SIRT2: variants seen among roughly 807,000 people sequenced by gnomAD.
The protein encoded by SIRT2 is NAD-dependent protein deacetylase sirtuin-2.
SIRT2 carries 40 observed loss-of-function variants against 57.4 expected under a neutral mutation model. The observed-to-expected ratio is 0.70, with a 90% CI of 0.54 to 0.91. SIRT2 has a LOEUF of 0.91. Ranked by LOEUF, SIRT2 falls within the 40% of genes least tolerant of loss-of-function variation. SIRT2 has a pLI of 0.00. For missense variants in SIRT2, 439 were observed against 510.4 expected (o/e 0.86, Z 1.35); for synonymous variants, 161 against 195.7 (o/e 0.82, Z 1.48).
intron 9 of SIRT2, 54 bp from the exon 10 acceptor site, chr19:38,881,545 G>A: frequency 6.8e-7 from 1 of 1,480,096 alleles, no homozygotes; most frequent in Non-Finnish European, 9.4e-7. Context: ...CTGGGCCGGA[G>A]TCTGGAGGTG....
In SIRT2 at chr19:38,882,559, C is replaced by T. The variant is rs902583876; in HGVS notation, c.631+1068G>A. ...CCGAGGCAGGGAGAATTGCTTGAAC[C>T]CGGGAGGCGGAGGTTGCAGTGAGCC... On this transcript the variant is annotated intron_variant, in intron 9 of 15. Transcript: ENST00000249396. Among the ~76,000 whole-genome samples, 3 of 151,822 alleles carry T rather than the reference C, an allele frequency of 2.0e-5. No homozygotes were observed. The East Asian group carries it at 5.8e-4, about 30-fold the overall frequency.
intron 2 of SIRT2, chr19:38,894,843 C>A: frequency 2.2e-6 from 1 of 456,194 alleles, no homozygotes; most frequent in South Asian, 1.5e-5. Context: ...CCTGTCTCAT[C>A]CATGCCAATG....
chr19:38,898,265 G>C, intron 2 of SIRT2, 114 bp downstream of exon 2: 1 of 640,652 alleles, frequency 1.6e-6, no homozygotes, highest in Non-Finnish European at 2.4e-6. Flanking sequence ...TGAGGGATTG[G>C]GGCAATGAGC....
chr19:38,888,857 C>T (rs1192662643), intron 8 of SIRT2, among the ~76,000 whole-genome samples: 2 of 151,274 alleles, frequency 1.3e-5, no homozygotes, highest in East Asian at 1.9e-4. Flanking sequence ...AGAGGGCAGA[C>T]CTGAGAGGGC....
chr19:38,893,232 C>T (rs1002836073), intron 4 of SIRT2, among the ~76,000 whole-genome samples, 182 bp downstream of exon 4: 5 of 152,202 alleles, frequency 3.3e-5, no homozygotes, highest in Non-Finnish European at 5.9e-5. Context: ...AGCACCTGGA[C>T]CCAGCCGTGC....
chr19:38,892,809 G>A (rs1343230453), intron 4 of SIRT2, among the ~76,000 whole-genome samples: 5 of 152,026 alleles, frequency 3.3e-5, no homozygotes, highest in Non-Finnish European at 7.4e-5. Flanking sequence ...AACGCCTGGC[G>A]TTGAGTGATC....
chr19:38,880,888 T>G lies in SIRT2; in HGVS notation c.757A>C (p.Lys253Gln), dbSNP rs1248357660. 1.2e-6 allele frequency: 2 copies of G among 1,613,382 alleles called. No homozygotes were observed. Among genetic ancestry groups the G allele is most frequent in the Admixed American group, 1.7e-5 (1 of 59,986 alleles). The change falls in exon 12 of 16, where the codon AAG becomes CAG. Residue 253 changes from lysine to glutamine, a missense_variant. Transcript: ENST00000249396. This position sits in a 1 kb window ranked among gnomAD's most constrained non-coding sequence, Gnocchi z 4.1. ...CCCATGACCAGGAGGAGGTCCACCT[T>G]CAGGAAGTCCTGCGGGGAGGGGCGT... Reference protein sequence around the residue: ...FFSCMQSDFLKVDLLLVMGTS... With the variant: ...FFSCMQSDFLQVDLLLVMGTS...
chr19:38,894,976 C>T (rs1454249059), intron 2 of SIRT2: 1 of 454,968 alleles, frequency 2.2e-6, no homozygotes, highest in East Asian at 7.0e-5. Flanking sequence ...CAAATGGACC[C>T]TGGCATCTCC....
At chr19:38,885,058 C>T (rs1973283007) in intron 8 of SIRT2, among the ~76,000 whole-genome samples, 2 of 151,986 alleles carry the variant, frequency 1.3e-5, no homozygotes, top group Non-Finnish European at 2.9e-5. Context: ...CTTACTATGG[C>T]CTGTTTCATA....
At chr19:38,893,967 G>T (rs1973634048) in intron 2 of SIRT2, 100 bp from the exon 3 acceptor site, 1 of 1,582,406 alleles carries the variant, frequency 6.3e-7, no homozygotes, top group African/African-American at 1.3e-5. Context: ...TGGCAGGAAG[G>T]TGGCCTGAGG....
At chr19:38,889,275 G>C in intron 7 of SIRT2, 120 bp from the exon 8 acceptor site, 1 of 876,902 alleles carries the variant, frequency 1.1e-6, no homozygotes, top group South Asian at 1.4e-5. Flanking sequence ...CGTCACAGCA[G>C]CCGCGTCGGG....
Position 38,893,470 on chromosome 19 carries a change from CG to C in SIRT2, c.169del (p.Arg57ValfsTer6). 1 of 1,613,994 alleles carries C rather than the reference CG, an allele frequency of 6.2e-7. No individual in the cohort carries two copies. The highest frequency in any genetic ancestry group is 8.5e-7 in the Non-Finnish European group (1 of 1,179,944). ...TTCCAAGGTCAGCTCGTCCAGCAGA[CG>C]CTCCTTCTGGCTGCCCAGGCTGAGC... ...QTLSLGSQKE[R>X]LLDELTLEGV... On this transcript the variant is annotated frameshift_variant, in exon 4 of 16. Transcript: ENST00000249396. LOFTEE classifies it high-confidence loss of function.
intron 8 of SIRT2, among the ~76,000 whole-genome samples, chr19:38,887,520 C>T (rs1380239620): frequency 6.6e-6 from 1 of 152,036 alleles, no homozygotes; most frequent in East Asian, 1.9e-4. Flanking sequence ...CCCACTTTGG[C>T]CTCCCAAAGT....
intron 2 of SIRT2, among the ~76,000 whole-genome samples, chr19:38,897,609 A>T (rs145128702): frequency 6.6e-6 from 1 of 151,710 alleles, no homozygotes; most frequent in East Asian, 1.9e-4. Flanking sequence ...TACGGCCTTA[A>T]CCTCCTGGGC....
In SIRT2 at chr19:38,893,452, G is replaced by A; in HGVS notation, c.188C>T (p.Thr63Ile). The A allele has an allele frequency of 6.2e-7, 1 of 1,614,002 alleles. No individual in the cohort carries two copies. Among genetic ancestry groups the A allele is most frequent in the Non-Finnish European group, 8.5e-7 (1 of 1,179,922 alleles). The change falls in exon 4 of 16, where the codon ACC (threonine) becomes ATC (isoleucine). Residue 63 changes from threonine (T) to isoleucine (I), a missense_variant. Coordinates refer to ENST00000249396, the MANE Select transcript of SIRT2 (RefSeq NM_012237.4). ...CATGTACCGGGCCACCCCTTCCAAGGTCAGCTCGTCCAGCAGACGCTCCTT... is the reference window on the plus strand; with the variant it reads ...CATGTACCGGGCCACCCCTTCCAAGATCAGCTCGTCCAGCAGACGCTCCTT... ...SQKERLLDEL[T>I]LEGVARYMQS...
At chr19:38,890,268 A>C (rs1311619593) in intron 4 of SIRT2, 124 bp from the exon 5 acceptor site, 12 of 875,588 alleles carry the variant, frequency 1.4e-5, no homozygotes, top group Non-Finnish European at 2.0e-5. Flanking sequence ...TCTCAGATGC[A>C]TGACGGGCCT....
chr19:38,889,923 G>A lies in SIRT2; in HGVS notation c.307C>T (p.Leu103Phe), dbSNP rs1440239604. Residue 103 changes from leucine to phenylalanine, a missense_variant, in exon 6 of 16, where the codon CTC (leucine) becomes TTC (phenylalanine). Transcript: ENST00000249396. The stretch of plus-strand genomic sequence containing the variant: ...TGGTACTTCTCTAGGTTGTCATAGA[G>A]GCCGGTGGATGGAGAGCGAAAGTCG... The part of the protein sequence containing the change: ...IPDFRSPSTG[L>F]YDNLEKYHLP... 4.3e-6 allele frequency: 7 copies of A among 1,614,056 alleles called. No homozygotes were observed. In the Admixed American group the frequency reaches 1.2e-4, roughly 27 times the overall value.
intron 4 of SIRT2, among the ~76,000 whole-genome samples, chr19:38,891,425 TG>T (rs1167077918): frequency 6.6e-6 from 1 of 152,126 alleles, no homozygotes; most frequent in Non-Finnish European, 1.5e-5. Context: ...GGCACGCGCC[TG>T]TAATCCCAGC....
At chr19:38,885,989 A>G (rs960484265) in intron 8 of SIRT2, among the ~76,000 whole-genome samples, 1 of 151,682 alleles carries the variant, frequency 6.6e-6, no homozygotes, top group Non-Finnish European at 1.5e-5. Flanking sequence ...TAAAACAACC[A>G]CCCCCTTTGG....
Sources: gnomAD v4.1 joint callset for allele counts (sites outside exome capture counted in the v4.1 genomes callset) on GRCh38, gnomAD v4.1.1 for gene constraint, Gnocchi (gnomAD v3.1) non-coding constraint, MANE v1.5 for transcripts, NCBI Gene and HGNC (gene_info 2026-07-23, HGNC 2026-07-21) for gene names.